EEF1A2: variants seen among roughly 807,000 people sequenced by gnomAD.
EEF1A2 encodes the protein elongation factor 1-alpha 2.
In EEF1A2, 5 loss-of-function variants were observed where a neutral mutation model predicts 39.3. That is an observed-to-expected ratio of 0.13 (90% CI 0.07 to 0.27). The LOEUF (loss-of-function observed/expected upper bound fraction) is 0.27. Ranked by LOEUF, EEF1A2 falls within the 10% of genes least tolerant of loss-of-function variation. The pLI is 1.00. For synonymous variants in EEF1A2, 287 were observed against 293.7 expected (o/e 0.98, Z 0.23); for missense variants, 218 against 681.4 (o/e 0.32, Z 7.57).
Position 63,493,180 on chromosome 20 carries a change from G to A in EEF1A2, c.729C>T (p.Asp243=), listed in dbSNP as rs1600906374. The A allele has an allele frequency of 1.9e-6, 3 of 1,548,780 alleles. No individual in the cohort carries two copies. The highest frequency in any genetic ancestry group is 4.9e-5 in the East Asian group (2 of 40,968). The change falls in exon 5 of 8, where the codon GAC becomes GAT. Residue 243 remains aspartate, a synonymous_variant. Coordinates refer to ENST00000217182, the MANE Select transcript of EEF1A2 (RefSeq NM_001958.5). ...CCTGCAGCGGCAGGCGCAGGGGCTT[G>A]TCCGTGGGGCGCGTGGGGGGCAGGA... is the stretch of plus-strand genomic sequence containing the variant. The part of the protein sequence containing the change: ...DTILPPTRPT[D]KPLRLPLQDV...
chr20:63,488,823 T>C, intron 7 of EEF1A2, 95 bp downstream of exon 7: 1 of 1,348,456 alleles, frequency 7.4e-7, no homozygotes, highest in Non-Finnish European at 1.0e-6. Flanking sequence ...GGGGGCCCAC[T>C]GCTGTCCCCA....
chr20:63,490,650 G>A lies in EEF1A2; in HGVS notation c.858C>T (p.Thr286=), dbSNP rs1238751886. The change falls in exon 6 of 8, where the codon ACC becomes ACT. Residue 286 remains threonine (T), a synonymous_variant. Transcript: ENST00000217182. ...GCATCTCCACTGACTTCACCTCAGT[G>A]GTGATGTTCACTGGCGCAAAGGTCA... ...MVVTFAPVNI[T]TEVKSVEMHH... is the part of the protein sequence containing the mutation. 3 of 1,612,472 alleles carry A rather than the reference G, an allele frequency of 1.9e-6. No homozygotes were observed. In the Admixed American group the frequency reaches 5.0e-5, roughly 27 times the overall value.
At position 63,488,277 on chromosome 20, in the gene EEF1A2, C is replaced by G; in HGVS notation, c.*21G>C. 8.4e-7 allele frequency: 1 copy of G among 1,193,182 alleles called. No homozygotes were observed. The highest frequency in any genetic ancestry group is 1.1e-6 in the Non-Finnish European group (1 of 945,798). The allele number at this position is 1,193,182 out of a possible 1,614,324, so 73.9% of individuals were successfully genotyped here. A position where few individuals can be genotyped will look rare whatever the true frequency, so the allele number is the denominator to read the frequency against. On this transcript the variant is annotated 3_prime_UTR_variant, in exon 8 of 8. Transcript: ENST00000217182. ...GGAGCGCGGCACCGCCGGGGAGGGT[C>G]GCGCCGCGGGCGCCCGCGCTTCACT...
intron 4 of EEF1A2, 81 bp from the exon 5 acceptor site, chr20:63,493,368 G>A (rs2082400035): frequency 1.4e-6 from 2 of 1,424,938 alleles, no homozygotes; most frequent in South Asian, 1.5e-5. Context: ...GTGCTTCCAG[G>A]AGTACTGCTG....
intron 6 of EEF1A2, among the ~76,000 whole-genome samples, chr20:63,489,922 G>A (rs1431332732): frequency 6.6e-6 from 1 of 152,198 alleles, no homozygotes; most frequent in African/African-American, 2.4e-5. Context: ...GACCTCAAAG[G>A]CTGGGCATCC....
rs769119480 is a variant in EEF1A2 at position 63,495,109 on chromosome 20, G to A, written c.325-8C>T. On this transcript the variant is annotated splice_polypyrimidine_tract_variant and splice_region_variant and intron_variant, in intron 3 of 7. Transcript: ENST00000217182. Reference sequence around the variant, plus strand: ...CAGCACTGCGCAGTCCGCCTGCCCGGCAGGGGACACAGTGAGCCCTGCCCC... The same window carrying A: ...CAGCACTGCGCAGTCCGCCTGCCCGACAGGGGACACAGTGAGCCCTGCCCC... The A allele has an allele frequency of 1.1e-5, 18 of 1,604,538 alleles. No homozygotes were observed. The highest frequency in any genetic ancestry group is 1.5e-5 in the Non-Finnish European group (18 of 1,177,488).
intron 3 of EEF1A2, 141 bp downstream of exon 3, chr20:63,495,715 G>A (rs2082413374): frequency 1.9e-6 from 2 of 1,057,568 alleles, no homozygotes; most frequent in Non-Finnish European, 1.3e-6. Context: ...CAGACTGGGT[G>A]AGGGTGGCCC....
At chr20:63,496,153 C>G in intron 2 of EEF1A2, 118 bp from the exon 3 acceptor site, 1 of 1,249,990 alleles carries the variant, frequency 8.0e-7, no homozygotes, top group Non-Finnish European at 1.1e-6. Context: ...CTCCAGCACC[C>G]CCTTGCTCTC....
At chr20:63,488,519 G>T in intron 7 of EEF1A2, 94 bp from the exon 8 acceptor site, 1 of 1,300,244 alleles carries the variant, frequency 7.7e-7, no homozygotes, top group Non-Finnish European at 9.8e-7. Flanking sequence ...ACCGCGTCGG[G>T]AATGTCCTCG....
rs566034466 is a variant in EEF1A2 at position 63,490,822 on chromosome 20, A to G, written c.773-87T>C. 134 of 1,469,368 alleles carry G rather than the reference A, an allele frequency of 9.1e-5. 1 individual carries two copies. The South Asian group carries it at 1.4e-3, about 15-fold the overall frequency. The allele number at this position is 1,469,368 out of a possible 1,614,324, so 91.0% of individuals were successfully genotyped here. A position where few individuals can be genotyped will look rare whatever the true frequency, so the allele number is the denominator to read the frequency against. ...TCGGGGACAGAGCCTGGAAACCAAC[A>G]AAGCCTGGGACTGGATCCCCCCGAC... On this transcript the variant is annotated intron_variant, in intron 5 of 7. Transcript: ENST00000217182.
intron 7 of EEF1A2, 105 bp downstream of exon 7, chr20:63,488,813 G>A: frequency 3.2e-6 from 4 of 1,238,378 alleles, no homozygotes; most frequent in South Asian, 1.4e-5. Context: ...CCGCAGGAAA[G>A]GGGGCCCACT....
rs1163487010 is a variant in EEF1A2, at chr20:63,488,438, G to C, written c.1265-13C>G. 1 of 1,436,206 alleles carries C rather than the reference G, an allele frequency of 7.0e-7. No individual in the cohort carries two copies. Among genetic ancestry groups the C allele is most frequent in the Non-Finnish European group, 9.1e-7 (1 of 1,096,590 alleles). The allele number at this position is 1,436,206 out of a possible 1,614,324, so 89.0% of individuals were successfully genotyped here. A position where few individuals can be genotyped will look rare whatever the true frequency, so the allele number is the denominator to read the frequency against. On this transcript the variant is annotated splice_polypyrimidine_tract_variant and intron_variant, in intron 7 of 7. Transcript: ENST00000217182. The stretch of plus-strand genomic sequence containing the variant: ...ACGGCGAAGCGGCCTGGGGGGCGGG[G>C]GGCGGCGTGTGGGCGGGGCCGGAGG...
At chr20:63,489,262 G>GA in intron 6 of EEF1A2, 110 bp from the exon 7 acceptor site, 1 of 1,080,806 alleles carries the variant, frequency 9.3e-7, no homozygotes, top group Non-Finnish European at 1.3e-6. Context: ...CGGGCTCCTG[G>GA]GCCCGGAGTG....
chr20:63,493,667 G>C (rs1171460400), intron 4 of EEF1A2, among the ~76,000 whole-genome samples: 2 of 152,214 alleles, frequency 1.3e-5, no homozygotes, highest in Non-Finnish European at 2.9e-5. Flanking sequence ...CCAAGGGCCA[G>C]GCCAGGGACA....
rs1405894160 is a variant in EEF1A2 at position 63,488,251 on chromosome 20, C to T, written c.*47G>A. ...GGGGCGGGGGCCCGGGCCCGGGGTT[C>T]GGAGCGCGGCACCGCCGGGGAGGGT... On this transcript the variant is annotated 3_prime_UTR_variant, in exon 8 of 8. Coordinates refer to ENST00000217182, the MANE Select transcript of EEF1A2 (RefSeq NM_001958.5). 8 of 979,618 alleles carry T rather than the reference C, an allele frequency of 8.2e-6. No individual in the cohort carries two copies. Among genetic ancestry groups the T allele is most frequent in the Non-Finnish European group, 9.6e-6 (8 of 830,622 alleles). The allele number at this position is 979,618 out of a possible 1,614,324, so 60.7% of individuals were successfully genotyped here.
At chr20:63,493,337 C>G in intron 4 of EEF1A2, 50 bp from the exon 5 acceptor site, 1 of 1,462,878 alleles carries the variant, frequency 6.8e-7, no homozygotes. Context: ...GGTGGCCTCC[C>G]CACCCTCAGG....
At chr20:63,494,686 G>A (rs2082408400) in intron 4 of EEF1A2, 119 bp downstream of exon 4, 3 of 1,368,186 alleles carry the variant, frequency 2.2e-6, no homozygotes, top group South Asian at 1.4e-5. Context: ...GGTTTCGAGG[G>A]GAACCTGCAT....
rs112283537 is a variant in EEF1A2 at position 63,489,160 on chromosome 20, C to T, written c.1030-8G>A. 1,053 of 1,610,278 alleles carry T rather than the reference C, an allele frequency of 6.5e-4. 7 individuals carry two copies. The African/African-American group carries it at 9.3e-3, about 14-fold the overall frequency. Reference sequence around the variant, plus strand: ...GTGGTTCAGGATGATGACCTGCGAGCGGAGCCACAGGCGGCCATCAGGCAC... The same window carrying T: ...GTGGTTCAGGATGATGACCTGCGAGTGGAGCCACAGGCGGCCATCAGGCAC... On this transcript the variant is annotated splice_polypyrimidine_tract_variant and splice_region_variant and intron_variant, in intron 6 of 7. Transcript: ENST00000217182.
intron 5 of EEF1A2, among the ~76,000 whole-genome samples, chr20:63,492,146 G>A (rs892760881): frequency 5.9e-3 from 1 of 170 alleles, no homozygotes; most frequent in South Asian, 0.17. Flanking sequence ...GGATGGATGG[G>A]GAGGTGGATG....
Sources: gnomAD v4.1 joint callset for allele counts (sites outside exome capture counted in the v4.1 genomes callset) on GRCh38, gnomAD v4.1.1 for gene constraint, MANE v1.5 for transcripts, NCBI Gene and HGNC (gene_info 2026-07-23, HGNC 2026-07-21) for gene names.